Variants in SYNDIG1 observed in about 807,000 individuals in gnomAD.
SYNDIG1 encodes synapse differentiation inducing 1.
In SYNDIG1, 9 loss-of-function variants were observed where a neutral mutation model predicts 19.4. That is an observed-to-expected ratio of 0.46 (90% CI 0.28 to 0.81). The LOEUF (loss-of-function observed/expected upper bound fraction) is 0.81. Ranked by LOEUF, SYNDIG1 falls within the 30% of genes least tolerant of loss-of-function variation. The pLI, the probability that SYNDIG1 is intolerant of heterozygous loss-of-function variation, is 0.12. For missense variants in SYNDIG1, 311 were observed against 343.3 expected, an observed-to-expected ratio of 0.91 and a Z score of 0.74; for synonymous variants, 141 against 145.9, an observed-to-expected ratio of 0.97 and a Z score of 0.24.
chr20:24,520,519 C>G lies in SYNDIG1; in HGVS notation c.-78-22501C>G, dbSNP rs570083263. Among the ~76,000 whole-genome samples, 5 of 151,940 alleles carry G rather than the reference C, an allele frequency of 3.3e-5. No individual in the cohort carries two copies. The East Asian group carries it at 7.8e-4, about 24-fold the overall frequency. ...GTCAGCCTGGGAAACATGGAGAAAC[C>G]CTGTCTCTACTAAAAATACAAAAAT... On this transcript the variant is annotated intron_variant, in intron 1 of 3. Coordinates refer to ENST00000376862, the MANE Select transcript of SYNDIG1 (RefSeq NM_024893.3).
chr20:24,540,980 T>C (rs528747535), intron 1 of SYNDIG1, among the ~76,000 whole-genome samples: 5 of 152,332 alleles, frequency 3.3e-5, no homozygotes, highest in African/African-American at 1.2e-4. Context: ...ATTAGTTCTT[T>C]AAATGTTTGC....
intron 1 of SYNDIG1, chr20:24,495,887 C>T (rs2056289454): frequency 6.6e-6 from 1 of 152,162 alleles, no homozygotes; most frequent in Admixed American, 6.5e-5. Flanking sequence ...CTCTGTTGCC[C>T]AAGCTGGAGT....
chr20:24,552,365 G>T (rs916945511), intron 2 of SYNDIG1, among the ~76,000 whole-genome samples: 1 of 152,046 alleles, frequency 6.6e-6, no homozygotes, highest in African/African-American at 2.4e-5. Context: ...GTGCAGGTTA[G>T]TTACATATGT....
intron 3 of SYNDIG1, among the ~76,000 whole-genome samples, chr20:24,661,005 C>T (rs1384009134): frequency 6.6e-6 from 1 of 152,238 alleles, no homozygotes; most frequent in Non-Finnish European, 1.5e-5. Flanking sequence ...GGCAGCTGCA[C>T]CCCCACAGCC....
rs539718328 is a variant in SYNDIG1 at position 24,544,716 on chromosome 20, G to A, written c.480+1139G>A. The stretch of plus-strand genomic sequence containing the variant: ...CTGGGTTGAAGAGGAAGAAAAGGAG[G>A]GGTTCGTGTTGGCTGAGCATCAGCA... On this transcript the variant is annotated intron_variant, in intron 2 of 3. Coordinates refer to ENST00000376862, the MANE Select transcript of SYNDIG1 (RefSeq NM_024893.3). 2.6e-5 allele frequency among the ~76,000 whole-genome samples: 4 copies of A among 152,250 alleles called. No homozygotes were observed. In the South Asian group the frequency reaches 8.3e-4, roughly 32 times the overall value.
At chr20:24,537,407 T>C (rs1287194931) in intron 1 of SYNDIG1, among the ~76,000 whole-genome samples, 2 of 151,218 alleles carry the variant, frequency 1.3e-5, no homozygotes, top group African/African-American at 4.9e-5. Flanking sequence ...TCTTGTTTTC[T>C]CAGTATGGTA....
chr20:24,500,506 CTTT>C (rs1568587844), intron 1 of SYNDIG1, among the ~76,000 whole-genome samples: 23 of 142,708 alleles, frequency 1.6e-4, no homozygotes, highest in Non-Finnish European at 3.1e-4. Flanking sequence ...TTCTTTCTTT[CTTT>C]CTTTCTTTCT....
intron 1 of SYNDIG1, among the ~76,000 whole-genome samples, chr20:24,519,671 C>T (rs2056961721): frequency 1.3e-5 from 2 of 152,306 alleles, no homozygotes; most frequent in South Asian, 4.2e-4. Flanking sequence ...ATTATTGATA[C>T]AGAGAATGGC....
chr20:24,586,930 C>T (rs1038110980), intron 3 of SYNDIG1, among the ~76,000 whole-genome samples: 14 of 152,202 alleles, frequency 9.2e-5, no homozygotes, highest in African/African-American at 3.4e-4. Flanking sequence ...TCCAAAAGAT[C>T]ACCATTATAA....
At chr20:24,616,820 C>T (rs1281981274) in intron 3 of SYNDIG1, among the ~76,000 whole-genome samples, 1 of 152,214 alleles carries the variant, frequency 6.6e-6, no homozygotes, top group Non-Finnish European at 1.5e-5. Context: ...ATAAGGTATG[C>T]ACTTCCCAAC....
chr20:24,511,514 G>A (rs1030204373), intron 1 of SYNDIG1, among the ~76,000 whole-genome samples: 5 of 152,026 alleles, frequency 3.3e-5, no homozygotes, highest in Admixed American at 6.5e-5. Flanking sequence ...TGAGCTTCCC[G>A]TCTTTGTTTG....
At chr20:24,570,699 G>A (rs2058126963) in intron 2 of SYNDIG1, among the ~76,000 whole-genome samples, 2 of 152,142 alleles carry the variant, frequency 1.3e-5, no homozygotes, top group South Asian at 4.1e-4. Context: ...ATACATTGCC[G>A]GTGGGAATGC....
At chr20:24,641,033 ACCT>A (rs901025492) in intron 3 of SYNDIG1, among the ~76,000 whole-genome samples, 19 of 152,028 alleles carry the variant, frequency 1.2e-4, no homozygotes, top group African/African-American at 4.4e-4. Flanking sequence ...ACAATCTTAA[ACCT>A]CCTCATTTGT....
In SYNDIG1 at chr20:24,474,473, C is replaced by A. The variant is rs1485678692; in HGVS notation, c.-79+4720C>A. On this transcript the variant is annotated intron_variant, in intron 1 of 3. Transcript: ENST00000376862. ...AAAATAATAAAAATAAAAGCTGTTT[C>A]CAAAGGCACAACCCAGGGGATAACC... 2.6e-5 allele frequency among the ~76,000 whole-genome samples: 4 copies of A among 152,272 alleles called. No homozygotes were observed. The East Asian group carries it at 7.7e-4, about 29-fold the overall frequency.
At chr20:24,552,308 T>A (rs545121237) in intron 2 of SYNDIG1, among the ~76,000 whole-genome samples, 131 of 152,264 alleles carry the variant, frequency 8.6e-4, no homozygotes, top group Middle Eastern at 6.8e-3. Context: ...AGGGCTTTTT[T>A]AAAAAATTAT....
intron 3 of SYNDIG1, among the ~76,000 whole-genome samples, chr20:24,629,681 C>A (rs1025195423): frequency 3.3e-5 from 5 of 152,150 alleles, no homozygotes; most frequent in African/African-American, 1.2e-4. Context: ...GGGGCCCTTC[C>A]ACATGTTTAT....
intron 1 of SYNDIG1, among the ~76,000 whole-genome samples, chr20:24,509,440 T>A (rs1782112721): frequency 1.3e-5 from 2 of 152,234 alleles, no homozygotes; most frequent in Non-Finnish European, 2.9e-5. Flanking sequence ...TGCTTTCTTA[T>A]GCTATTGTTC....
At chr20:24,488,917 T>C (rs1048227539) in intron 1 of SYNDIG1, among the ~76,000 whole-genome samples, 5 of 152,158 alleles carry the variant, frequency 3.3e-5, no homozygotes, top group African/African-American at 1.2e-4. Flanking sequence ...AATGGGGCAT[T>C]GGTCCTGGGG....
At chr20:24,474,407 A>C (rs950939559) in intron 1 of SYNDIG1, among the ~76,000 whole-genome samples, 1 of 152,256 alleles carries the variant, frequency 6.6e-6, no homozygotes, top group Non-Finnish European at 1.5e-5. Context: ...TAACTGCTAG[A>C]ACCAAAAATA....
Sources: gnomAD v4.1 joint callset for allele counts (sites outside exome capture counted in the v4.1 genomes callset) on GRCh38, gnomAD v4.1.1 for gene constraint, MANE v1.5 for transcripts, NCBI Gene and HGNC (gene_info 2026-07-23, HGNC 2026-07-21) for gene names.